Variants in RBMS3 observed in about 807,000 individuals in gnomAD.
RBMS3 encodes the protein RNA-binding motif, single-stranded-interacting protein 3.
In RBMS3, 27 loss-of-function variants were observed where a neutral mutation model predicts 66.8. The observed-to-expected ratio is 0.40, with a 90% CI of 0.30 to 0.56. RBMS3 has a LOEUF of 0.56. Ranked by LOEUF, RBMS3 falls within the 20% of genes least tolerant of loss-of-function variation. The pLI is 0.40. For synonymous variants in RBMS3, 188 were observed against 183.0 expected (o/e 1.03, Z -0.22); for missense variants, 513 against 549.5 (o/e 0.93, Z 0.66).
chr3:29,506,107 G>C (rs1299141571), intron 3 of RBMS3, among the ~76,000 whole-genome samples: 2 of 151,784 alleles, frequency 1.3e-5, no homozygotes, highest in East Asian at 1.9e-4. Context: ...GGGACGTCCA[G>C]TAATATGTTC....
At chr3:29,777,517 G>T (rs1227785978) in intron 6 of RBMS3, among the ~76,000 whole-genome samples, 5 of 151,848 alleles carry the variant, frequency 3.3e-5, no homozygotes, top group Non-Finnish European at 7.4e-5. Context: ...ATTCCACATA[G>T]AAATATATGA....
chr3:29,440,740 T>TTA (rs1382829944), intron 2 of RBMS3, among the ~76,000 whole-genome samples: 1 of 152,202 alleles, frequency 6.6e-6, no homozygotes, highest in Non-Finnish European at 1.5e-5. Flanking sequence ...GGATGTCTCA[T>TTA]TATAGTGCGT....
At position 29,570,682 on chromosome 3, in the gene RBMS3, C is replaced by T. The variant is rs532327466; in HGVS notation, c.308-16432C>T. ...CATTCTCTTTTATGGCTGAATAGTA[C>T]TCCATTGTGTATAAGTACCACATTT... On this transcript the variant is annotated intron_variant, in intron 3 of 14. Transcript: ENST00000383767. Among the ~76,000 whole-genome samples the T allele has an allele frequency of 7.0e-4, 106 of 152,184 alleles. No individual in the cohort carries two copies. In the South Asian group the frequency reaches 0.022, roughly 31 times the overall value.
At chr3:29,453,605 C>T (rs1057436026) in intron 2 of RBMS3, among the ~76,000 whole-genome samples, 2 of 152,166 alleles carry the variant, frequency 1.3e-5, no homozygotes, top group Admixed American at 6.5e-5. Flanking sequence ...TGGCAAGGGT[C>T]GTCTCCAGCA....
At chr3:29,324,931 T>C (rs538194351) in intron 1 of RBMS3, among the ~76,000 whole-genome samples, 1 of 152,244 alleles carries the variant, frequency 6.6e-6, no homozygotes, top group African/African-American at 2.4e-5. Context: ...ATTTCTGTTA[T>C]GAAAACTAGA....
intron 5 of RBMS3, among the ~76,000 whole-genome samples, chr3:29,755,398 C>G (rs1330645576): frequency 2.0e-5 from 3 of 152,132 alleles, no homozygotes; most frequent in African/African-American, 7.2e-5. Flanking sequence ...TACTCCTCTG[C>G]TGTTGATAGC....
intron 1 of RBMS3, among the ~76,000 whole-genome samples, chr3:29,358,253 T>C (rs1381355341): frequency 6.6e-6 from 1 of 152,224 alleles, no homozygotes; most frequent in Non-Finnish European, 1.5e-5. Context: ...CAGTTTCATC[T>C]TTCTACTTAT....
At chr3:29,701,422 T>C (rs941070145) in intron 4 of RBMS3, among the ~76,000 whole-genome samples, 2 of 152,236 alleles carry the variant, frequency 1.3e-5, no homozygotes, top group African/African-American at 2.4e-5. Context: ...AACAGCCTGC[T>C]GGCAGCCCTC....
At position 29,321,526 on chromosome 3, in the gene RBMS3, G is replaced by A. The variant is rs184900333; in HGVS notation, c.75+39770G>A. Among the ~76,000 whole-genome samples the A allele has an allele frequency of 5.1e-3, 771 of 152,178 alleles. 7 individuals carry two copies. The highest frequency in any genetic ancestry group is 8.8e-3 in the Non-Finnish European group (598 of 67,992). On this transcript the variant is annotated intron_variant, in intron 1 of 14. Transcript: ENST00000383767. ...GATAAGAAAGAAACTCATGTTGTGAGCTTTCTCCACTTGTTATATTTTGCT... is the reference window on the plus strand; with the variant it reads ...GATAAGAAAGAAACTCATGTTGTGAACTTTCTCCACTTGTTATATTTTGCT...
chr3:29,367,159 C>A (rs556002704), intron 1 of RBMS3, among the ~76,000 whole-genome samples: 2 of 151,880 alleles, frequency 1.3e-5, no homozygotes, highest in South Asian at 4.2e-4. Context: ...TATGTTTTTC[C>A]ATTTTATGAA....
chr3:29,944,190 G>A lies in RBMS3; in HGVS notation c.1051-17G>A, dbSNP rs754433883. The A allele has an allele frequency of 4.5e-6, 7 of 1,570,384 alleles. No homozygotes were observed. In the Admixed American group the frequency reaches 1.2e-4, roughly 26 times the overall value. ...TGTACTTCATTGCATTCTTTCTCAT[G>A]CTCTTTTCATTCAAAGATTCAATCC... On this transcript the variant is annotated splice_polypyrimidine_tract_variant and intron_variant, in intron 11 of 14. Transcript: ENST00000383767.
At chr3:29,759,436 C>A (rs2055566038) in intron 5 of RBMS3, among the ~76,000 whole-genome samples, 1 of 152,142 alleles carries the variant, frequency 6.6e-6, no homozygotes, top group Non-Finnish European at 1.5e-5. Context: ...GGCACTCAAG[C>A]TGTTCTGAGG....
chr3:29,363,404 A>G (rs894126018), intron 1 of RBMS3, among the ~76,000 whole-genome samples: 1 of 152,214 alleles, frequency 6.6e-6, no homozygotes, highest in African/African-American at 2.4e-5. Flanking sequence ...CCAAGGCTTT[A>G]TGAAACATCA....
chr3:29,979,517 A>G (rs1050428262), intron 12 of RBMS3, among the ~76,000 whole-genome samples: 9 of 152,172 alleles, frequency 5.9e-5, no homozygotes, highest in Non-Finnish European at 1.3e-4. Context: ...TACACGTGCC[A>G]TGGTGGTTTG....
At chr3:29,618,454 C>T (rs966828418) in intron 4 of RBMS3, among the ~76,000 whole-genome samples, 1 of 151,720 alleles carries the variant, frequency 6.6e-6, no homozygotes, top group African/African-American at 2.4e-5. Context: ...TAGAGTGAGC[C>T]GAGATCGTAC....
chr3:29,328,328 G>T (rs933601878), intron 1 of RBMS3, among the ~76,000 whole-genome samples: 3 of 152,164 alleles, frequency 2.0e-5, no homozygotes, highest in Non-Finnish European at 2.9e-5. Flanking sequence ...TTCGTTATGT[G>T]TTAGAAGTGG....
At chr3:29,418,604 G>A (rs1438329) in intron 1 of RBMS3, among the ~76,000 whole-genome samples, 18,462 of 151,914 alleles carry the variant, frequency 0.12, 1,592 homozygotes, top group Admixed American at 0.28. Context: ...TAAACTGGGA[G>A]GATTTCGGCA....
chr3:29,548,494 A>G (rs1482248705), intron 3 of RBMS3, among the ~76,000 whole-genome samples: 1 of 151,992 alleles, frequency 6.6e-6, no homozygotes, highest in African/African-American at 2.4e-5. Context: ...AGGAATGCTT[A>G]TAAAGTTTAT....
intron 7 of RBMS3, among the ~76,000 whole-genome samples, chr3:29,881,268 C>T (rs1167346091): frequency 2.6e-5 from 4 of 152,040 alleles, no homozygotes; most frequent in African/African-American, 9.7e-5. Flanking sequence ...ATCTGATCAC[C>T]CCCAGCCTCT....
Sources: gnomAD v4.1 joint callset for allele counts (sites outside exome capture counted in the v4.1 genomes callset) on GRCh38, gnomAD v4.1.1 for gene constraint, MANE v1.5 for transcripts, NCBI Gene and HGNC (gene_info 2026-07-23, HGNC 2026-07-21) for gene names.